The following PHACTR4 variants were observed in gnomAD, a reference collection of about 807,000 sequenced individuals.
The protein encoded by PHACTR4 is phosphatase and actin regulator 4.
Under a neutral mutation model 72.7 loss-of-function variants are expected in PHACTR4, and 51 were observed. That is an observed-to-expected ratio of 0.70 (90% CI 0.56 to 0.89). The LOEUF (loss-of-function observed/expected upper bound fraction) is 0.89, where lower values mean the gene tolerates loss of function less well. PHACTR4 is among the 40% of genes least tolerant of loss of function. The probability of loss-of-function intolerance (pLI) is 0.00; values close to 1 mark genes in which losing one functional copy is unlikely to be tolerated. For synonymous variants in PHACTR4, 255 were observed against 302.5 expected, an observed-to-expected ratio of 0.84 and a Z score of 1.63; for missense variants, 731 against 861.8, an observed-to-expected ratio of 0.85 and a Z score of 1.90.
chr1:28,451,712 C>T (rs1181005310), intron 2 of PHACTR4, among the ~76,000 whole-genome samples: 1 of 152,116 alleles, frequency 6.6e-6, no homozygotes, highest in Non-Finnish European at 1.5e-5. Context: ...GGCACAATCA[C>T]AGCTCACTAC....
chr1:28,410,092 G>A (rs949905872), intron 2 of PHACTR4, among the ~76,000 whole-genome samples: 3 of 149,868 alleles, frequency 2.0e-5, no homozygotes, highest in Non-Finnish European at 4.4e-5. Context: ...TCAGCTTCCC[G>A]AGTAGCTGGG....
intron 4 of PHACTR4, among the ~76,000 whole-genome samples, chr1:28,460,963 A>G (rs192755032): frequency 3.4e-4 from 51 of 152,002 alleles, no homozygotes; most frequent in South Asian, 1.2e-3. Flanking sequence ...TTTTGAACAC[A>G]TTTGTCCCCA....
At chr1:28,382,517 A>G (rs1238300630) in intron 1 of PHACTR4, among the ~76,000 whole-genome samples, 6 of 151,336 alleles carry the variant, frequency 4.0e-5, no homozygotes, top group Non-Finnish European at 8.8e-5. Flanking sequence ...GCTAGCCGGG[A>G]TGGTCTCGAT....
chr1:28,375,787 C>T (rs769887116), intron 1 of PHACTR4, among the ~76,000 whole-genome samples: 3 of 151,822 alleles, frequency 2.0e-5, no homozygotes, highest in South Asian at 2.1e-4. Context: ...CTTTCACAAT[C>T]GGCCAGGCGC....
At chr1:28,424,537 G>A (rs1655710600) in intron 2 of PHACTR4, among the ~76,000 whole-genome samples, 1 of 151,672 alleles carries the variant, frequency 6.6e-6, no homozygotes, top group African/African-American at 2.4e-5. Context: ...CACCCAGGCT[G>A]GAGTGCAGTG....
chr1:28,413,943 T>G (rs1654937787), intron 2 of PHACTR4, among the ~76,000 whole-genome samples: 1 of 152,218 alleles, frequency 6.6e-6, no homozygotes, highest in African/African-American at 2.4e-5. Context: ...AGGGGCACAG[T>G]CTTCCCACTG....
At chr1:28,471,395 A>G (rs1048960098) in intron 6 of PHACTR4, among the ~76,000 whole-genome samples, 21 of 152,194 alleles carry the variant, frequency 1.4e-4, no homozygotes, top group Non-Finnish European at 2.6e-4. Flanking sequence ...AACATCTCCA[A>G]TTTTGGAGAT....
At chr1:28,397,557 A>G (rs1192238332) in intron 1 of PHACTR4, among the ~76,000 whole-genome samples, 1 of 152,168 alleles carries the variant, frequency 6.6e-6, no homozygotes, top group Admixed American at 6.6e-5. Flanking sequence ...AGGAATAGAA[A>G]AGGCAGAAAA....
chr1:28,458,593 T>C (rs1178201607), intron 2 of PHACTR4, among the ~76,000 whole-genome samples: 1 of 152,138 alleles, frequency 6.6e-6, no homozygotes, highest in Non-Finnish European at 1.5e-5. Flanking sequence ...TAGGGTCCTT[T>C]TGTGAAGGGA....
intron 2 of PHACTR4, among the ~76,000 whole-genome samples, chr1:28,444,711 G>T (rs990201566): frequency 6.6e-6 from 1 of 150,420 alleles, no homozygotes; most frequent in African/African-American, 2.4e-5. Flanking sequence ...CACCTCCCGG[G>T]TTCACGCCAT....
intron 13 of PHACTR4, among the ~76,000 whole-genome samples, chr1:28,493,425 C>A (rs1440550704): frequency 6.6e-6 from 1 of 151,588 alleles, no homozygotes. Context: ...GTAATCCCAA[C>A]TATTAGGGAG....
intron 4 of PHACTR4, among the ~76,000 whole-genome samples, chr1:28,461,230 A>C (rs1298265547): frequency 6.6e-6 from 1 of 151,970 alleles, no homozygotes; most frequent in East Asian, 2.0e-4. Flanking sequence ...ACTTAAGGTC[A>C]GGAGTTTGAG....
chr1:28,485,648 C>T (rs1228707109), intron 9 of PHACTR4, among the ~76,000 whole-genome samples: 1 of 150,978 alleles, frequency 6.6e-6, no homozygotes, highest in Non-Finnish European at 1.5e-5. Flanking sequence ...TGCCTATAAT[C>T]CCAATACTTT....
Position 28,484,569 on chromosome 1 carries a change from GTGTA to G in PHACTR4, c.1760+3970_1760+3973del, listed in dbSNP as rs1660508165. 2.0e-5 allele frequency among the ~76,000 whole-genome samples: 3 copies of G among 151,130 alleles called. No individual in the cohort carries two copies. In the South Asian group the frequency reaches 6.2e-4, roughly 31 times the overall value. ...ATATGTGTGTATGTAATATATATGTGTGTATGTAATATATATGTGTACGTGTGTG... is the reference window on the plus strand; with the variant it reads ...ATATGTGTGTATGTAATATATATGTGTGTAATATATATGTGTACGTGTGTG... On this transcript the variant is annotated intron_variant, in intron 9 of 13. Transcript: ENST00000373839.
intron 10 of PHACTR4, chr1:28,490,019 C>G (rs1660932280): frequency 2.4e-6 from 1 of 421,950 alleles, no homozygotes; most frequent in Non-Finnish European, 4.7e-6. Flanking sequence ...AATCTGCAGG[C>G]TTTTCCTTAA....
At chr1:28,383,299 C>T (rs1306696436) in intron 1 of PHACTR4, among the ~76,000 whole-genome samples, 3 of 152,018 alleles carry the variant, frequency 2.0e-5, no homozygotes, top group African/African-American at 7.2e-5. Flanking sequence ...CATGATGCCT[C>T]CAGCTTTGTT....
Position 28,491,638 on chromosome 1 carries a change from C to T in PHACTR4, c.1879-12C>T, listed in dbSNP as rs776164418. ...ATTGGCTTGGTGAACTAAGAGGCTC[C>T]GTTTCCTTCAGCTCAGTCAAAGGCC... On this transcript the variant is annotated splice_polypyrimidine_tract_variant and intron_variant, in intron 11 of 13. Coordinates refer to ENST00000373839, the MANE Select transcript of PHACTR4 (RefSeq NM_001048183.3). The T allele has an allele frequency of 3.5e-5, 57 of 1,613,708 alleles. No individual in the cohort carries two copies. The Admixed American group carries it at 4.8e-4, about 14-fold the overall frequency.
rs1057144341 is a variant in PHACTR4, at chr1:28,492,274, T to A, written c.2016+487T>A. Among the ~76,000 whole-genome samples the A allele has an allele frequency of 2.6e-5, 4 of 151,080 alleles. No individual in the cohort carries two copies. The Middle Eastern group carries it at 0.014, about 525-fold the overall frequency. ...CAACATGGTGAAACCCCATCTCTAC[T>A]AAAAATACAAAAATTAGCTGGGTGT... is the stretch of plus-strand genomic sequence containing the variant. On this transcript the variant is annotated intron_variant, in intron 12 of 13. Coordinates refer to ENST00000373839, the MANE Select transcript of PHACTR4 (RefSeq NM_001048183.3).
At chr1:28,440,039 CGCCTGTAATCCCAGCACGTTGGGAG>C (rs1374554354) in intron 2 of PHACTR4, among the ~76,000 whole-genome samples, 1 of 152,074 alleles carries the variant, frequency 6.6e-6, no homozygotes, top group Non-Finnish European at 1.5e-5. Context: ...CGGTGGCTCA[CGCCTGTAATCCCAGCACGTTGGGAG>C]GCCGAGGCAG....
Sources: gnomAD v4.1 joint callset for allele counts (sites outside exome capture counted in the v4.1 genomes callset) on GRCh38, gnomAD v4.1.1 for gene constraint, MANE v1.5 for transcripts, NCBI Gene and HGNC (gene_info 2026-07-23, HGNC 2026-07-21) for gene names.